TBL1X: variants seen among roughly 807,000 people sequenced by gnomAD.
TBL1X encodes transducin beta like 1 X-linked, also known as F-box-like/WD repeat-containing protein TBL1X.
Under a neutral mutation model 50.7 loss-of-function variants are expected in TBL1X, and 10 were observed. The observed-to-expected ratio is 0.20, with a 90% confidence interval of 0.12 to 0.33. TBL1X has a LOEUF of 0.33. Among genes scored for constraint, TBL1X ranks in the 10% least tolerant of loss-of-function variants. TBL1X has a pLI of 1.00. For synonymous variants in TBL1X, 190 were observed against 214.7 expected (o/e 0.88, Z 1.01); for missense variants, 340 against 504.4 (o/e 0.67, Z 3.12).
intron 2 of TBL1X, among the ~76,000 whole-genome samples, chrX:9,544,861 C>T (rs979836334): frequency 6.3e-5 from 7 of 111,792 alleles, no homozygotes; most frequent in African/African-American, 2.3e-4. Context: ...CCACTGCACC[C>T]AGCCTCAATA....
chrX:9,661,182 AG>A (rs1226260862), intron 5 of TBL1X, among the ~76,000 whole-genome samples: 1 of 112,728 alleles, frequency 8.9e-6, no homozygotes, highest in African/African-American at 3.2e-5. Context: ...CCAGACTTTC[AG>A]GGTTGTGAAT....
intron 2 of TBL1X, chrX:9,637,556 C>G (rs749156455): frequency 1.6e-4 from 18 of 111,881 alleles, no homozygotes; most frequent in African/African-American, 5.5e-4. Context: ...GACTCTTCCT[C>G]CTGTTCGGGT....
At position 9,621,184 on chromosome X, in the gene TBL1X, A is replaced by G. The variant is rs73188210; in HGVS notation, c.-130-19089A>G. 7.5e-4 allele frequency among the ~76,000 whole-genome samples: 83 copies of G among 111,372 alleles called. 1 individual carries two copies. Among genetic ancestry groups the G allele is most frequent in the Non-Finnish European group, 1.3e-3 (71 of 53,028 alleles). On this transcript the variant is annotated intron_variant, in intron 2 of 17. Coordinates refer to ENST00000645353, the MANE Select transcript of TBL1X (RefSeq NM_005647.4). The stretch of plus-strand genomic sequence containing the variant: ...TCCCTGCAGGGATAGGTGAGGAGCT[A>G]TGGAGGTTGGGGGCTGGAGACATCT...
At chrX:9,496,736 G>C (rs1302256908) in intron 1 of TBL1X, among the ~76,000 whole-genome samples, 1 of 111,981 alleles carries the variant, frequency 8.9e-6, no homozygotes, top group Non-Finnish European at 1.9e-5. Flanking sequence ...GAATCATGGA[G>C]ATGATTCTCA....
At chrX:9,569,697 TG>T (rs1396658931) in intron 2 of TBL1X, among the ~76,000 whole-genome samples, 1 of 111,532 alleles carries the variant, frequency 9.0e-6, no homozygotes, top group Non-Finnish European at 1.9e-5. Flanking sequence ...CAGGAATGGG[TG>T]GCCAGTTCTG....
intron 13 of TBL1X, among the ~76,000 whole-genome samples, chrX:9,706,401 T>C (rs757681874): frequency 2.7e-5 from 3 of 111,401 alleles, no homozygotes; most frequent in African/African-American, 9.8e-5. Flanking sequence ...CAAGTTTTCC[T>C]AAATTTGGTG....
At chrX:9,506,564 A>G (rs932758127) in intron 2 of TBL1X, among the ~76,000 whole-genome samples, 7 of 112,141 alleles carry the variant, frequency 6.2e-5, no homozygotes, top group African/African-American at 2.3e-4. Flanking sequence ...CTAGACTAAT[A>G]GAGAAGAATC....
intron 5 of TBL1X, among the ~76,000 whole-genome samples, chrX:9,672,617 T>C (rs1011598004): frequency 1.8e-5 from 2 of 111,437 alleles, no homozygotes; most frequent in African/African-American, 6.5e-5. Flanking sequence ...CCCCAGTCTC[T>C]CTGCTGATCC....
chrX:9,631,995 A>G (rs2082724088), intron 2 of TBL1X, among the ~76,000 whole-genome samples: 1 of 112,435 alleles, frequency 8.9e-6, no homozygotes, highest in Non-Finnish European at 1.9e-5. Flanking sequence ...GCATTGATAC[A>G]TCCTCTCAGT....
At chrX:9,700,166 G>A (rs747689439) in intron 12 of TBL1X, among the ~76,000 whole-genome samples, 6 of 112,105 alleles carry the variant, frequency 5.4e-5, no homozygotes, top group Admixed American at 9.4e-5. Flanking sequence ...GTTCCGTCAC[G>A]TTTGGCTTAA....
At chrX:9,713,412 T>G (rs988787301) in intron 16 of TBL1X, among the ~76,000 whole-genome samples, 2 of 104,468 alleles carry the variant, frequency 1.9e-5, no homozygotes, top group African/African-American at 7.1e-5. Context: ...ATCAAAGAAA[T>G]CCTTAGGACT....
chrX:9,661,658 T>G (rs1295568918), intron 5 of TBL1X, among the ~76,000 whole-genome samples: 2 of 111,299 alleles, frequency 1.8e-5, no homozygotes, highest in African/African-American at 3.3e-5. Flanking sequence ...GCCTCCTCTT[T>G]CCACAACAAA....
At chrX:9,567,983 G>C (rs1966041498) in intron 2 of TBL1X, among the ~76,000 whole-genome samples, 1 of 111,920 alleles carries the variant, frequency 8.9e-6, no homozygotes, top group Non-Finnish European at 1.9e-5. Flanking sequence ...CTCCTCCTCT[G>C]TGCAGTGGGG....
rs753056474 is a variant in TBL1X, at chrX:9,520,911, A to G, written c.-131+19062A>G. 4.5e-3 allele frequency among the ~76,000 whole-genome samples: 497 copies of G among 111,161 alleles called. 1 individual carries two copies. Among genetic ancestry groups the G allele is most frequent in the Non-Finnish European group, 7.4e-3 (392 of 52,980 alleles). On this transcript the variant is annotated intron_variant, in intron 2 of 17. Coordinates refer to ENST00000645353, the MANE Select transcript of TBL1X (RefSeq NM_005647.4). ...GTTGGAGACCAGCCTGGGTAGCAGC[A>G]GCATAGAGAGACCCTGTTTTTACAA...
intron 2 of TBL1X, among the ~76,000 whole-genome samples, chrX:9,577,853 A>T (rs916836373): frequency 8.9e-6 from 1 of 112,406 alleles, no homozygotes; most frequent in Non-Finnish European, 1.9e-5. Context: ...TTTTCTCTTC[A>T]GCTATTCCAG....
intron 2 of TBL1X, among the ~76,000 whole-genome samples, chrX:9,524,261 C>T (rs769555970): frequency 9.8e-5 from 11 of 112,066 alleles, no homozygotes; most frequent in African/African-American, 3.2e-4. Context: ...AGCCAGTGTG[C>T]CCGGCCTATT....
intron 2 of TBL1X, among the ~76,000 whole-genome samples, chrX:9,567,007 C>A (rs1187609227): frequency 1.8e-5 from 2 of 111,827 alleles, no homozygotes; most frequent in East Asian, 5.6e-4. Context: ...TTTACTCTTT[C>A]CTTTTAAAAT....
intron 5 of TBL1X, among the ~76,000 whole-genome samples, chrX:9,668,258 A>T (rs1047903607): frequency 2.9e-4 from 32 of 109,670 alleles, no homozygotes; most frequent in African/African-American, 1.0e-3. Context: ...ATAGACAATT[A>T]TTGTCTTGTG....
At chrX:9,638,867 C>G (rs192339710) in intron 2 of TBL1X, among the ~76,000 whole-genome samples, 1 of 111,551 alleles carries the variant, frequency 9.0e-6, no homozygotes, top group Non-Finnish European at 1.9e-5. Context: ...GTAATTTGGT[C>G]TCTCCAGCTC....
Sources: allele counts gnomAD v4.1 joint callset (sites outside exome capture counted in the v4.1 genomes callset), GRCh38; gene constraint gnomAD v4.1.1; transcripts MANE v1.5; gene names NCBI Gene and HGNC (gene_info 2026-07-23, HGNC 2026-07-21).